The following DMD variants were observed in gnomAD, a reference collection of about 807,000 sequenced individuals.
DMD encodes the protein dystrophin.
A neutral mutation model predicts 330.1 loss-of-function variants in DMD; 63 were observed. That is an observed-to-expected ratio of 0.19 (90% CI 0.16 to 0.24). The LOEUF (loss-of-function observed/expected upper bound fraction) is 0.24, where lower values mean the gene tolerates loss of function less well. Among genes scored for constraint, DMD ranks in the 10% least tolerant of loss-of-function variants. DMD has a pLI of 1.00. For missense variants in DMD, 3,344 were observed against 2,684.1 expected (o/e 1.25, Z -5.43); for synonymous variants, 1,223 against 959.8 (o/e 1.27, Z -5.07).
At chrX:32,956,643 G>A (rs1319285276) in intron 2 of DMD, among the ~76,000 whole-genome samples, 1 of 111,531 alleles carries the variant, frequency 9.0e-6, no homozygotes, top group Non-Finnish European at 1.9e-5. Context: ...CATGTTGTCT[G>A]CAAACAGAGA....
intron 44 of DMD, among the ~76,000 whole-genome samples, chrX:32,208,490 T>C (rs1351863099): frequency 9.0e-6 from 1 of 111,498 alleles, no homozygotes; most frequent in East Asian, 2.8e-4. Context: ...AGAGACTGCC[T>C]CTGATTCCCA....
chrX:33,004,605 G>T (rs1454327630), intron 2 of DMD, among the ~76,000 whole-genome samples: 1 of 110,010 alleles, frequency 9.1e-6, no homozygotes, highest in Non-Finnish European at 1.9e-5. Flanking sequence ...GTGTTTTTCT[G>T]GTTATTTTTA....
chrX:31,337,911 G>T (rs1387830907), intron 61 of DMD, among the ~76,000 whole-genome samples: 2 of 111,784 alleles, frequency 1.8e-5, no homozygotes, highest in South Asian at 3.8e-4. Context: ...AGCTAAATGC[G>T]CCCATTCAGC....
intron 9 of DMD, among the ~76,000 whole-genome samples, chrX:32,655,602 G>T (rs189120718): frequency 8.9e-6 from 1 of 111,989 alleles, no homozygotes; most frequent in Non-Finnish European, 1.9e-5. Context: ...GTGCTGAGAA[G>T]AATGTATAAT....
chrX:32,015,310 C>T (rs922005936), intron 44 of DMD, among the ~76,000 whole-genome samples: 1 of 111,783 alleles, frequency 8.9e-6, no homozygotes, highest in Non-Finnish European at 1.9e-5. Context: ...CTCCCAAAAA[C>T]TCTGATTTAG....
At chrX:31,139,278 T>C (rs993437434) in intron 76 of DMD, among the ~76,000 whole-genome samples, 1 of 111,424 alleles carries the variant, frequency 9.0e-6, no homozygotes, top group Non-Finnish European at 1.9e-5. Flanking sequence ...AGAACTAAAA[T>C]GTAGAACTAC....
At chrX:33,234,882 T>C (rs2052449230) in intron 1 of DMD, among the ~76,000 whole-genome samples, 1 of 111,939 alleles carries the variant, frequency 8.9e-6, no homozygotes, top group Non-Finnish European at 1.9e-5. Flanking sequence ...AGGCCACTGT[T>C]CGCTAAGCTT....
At chrX:31,758,805 G>A (rs998823542) in intron 51 of DMD, among the ~76,000 whole-genome samples, 2 of 111,728 alleles carry the variant, frequency 1.8e-5, no homozygotes, top group East Asian at 2.8e-4. Flanking sequence ...GACTGATAAC[G>A]TAAAATACTA....
At chrX:32,677,624 CAA>C (rs777133945) in intron 9 of DMD, among the ~76,000 whole-genome samples, 170 of 111,633 alleles carry the variant, frequency 1.5e-3, no homozygotes, top group African/African-American at 5.1e-3. Flanking sequence ...CACCTTTACA[CAA>C]AGTTACTATA....
intron 44 of DMD, among the ~76,000 whole-genome samples, chrX:32,036,985 C>T (rs747715670): frequency 7.2e-5 from 8 of 111,314 alleles, no homozygotes; most frequent in Non-Finnish European, 1.3e-4. Context: ...GATGAGAGTA[C>T]CTCCCATGAG....
chrX:31,131,094 C>T (rs752398868), intron 77 of DMD, among the ~76,000 whole-genome samples: 1 of 111,652 alleles, frequency 9.0e-6, no homozygotes, highest in East Asian at 2.8e-4. Flanking sequence ...ACAATGAGAA[C>T]ATGGATGGTA....
At chrX:33,250,294 C>T (rs2052752332) in intron 1 of DMD, among the ~76,000 whole-genome samples, 1 of 108,204 alleles carries the variant, frequency 9.2e-6, no homozygotes, top group Non-Finnish European at 1.9e-5. Context: ...TCCACCTCAG[C>T]TCATTAGGCA....
chrX:32,256,898 G>A (rs12008952), intron 43 of DMD, among the ~76,000 whole-genome samples: 32,583 of 110,437 alleles, frequency 0.3, 3,713 homozygotes, highest in African/African-American at 0.4. Context: ...AGTCTGATGG[G>A]CTTCCCTTTG....
chrX:32,677,605 G>A (rs1428138961), intron 9 of DMD, among the ~76,000 whole-genome samples: 2 of 111,307 alleles, frequency 1.8e-5, no homozygotes, highest in Non-Finnish European at 3.8e-5. Flanking sequence ...TAACTTACAA[G>A]AAAATACCCA....
chrX:32,782,801 TA>T (rs2074909488), intron 7 of DMD, among the ~76,000 whole-genome samples: 1 of 109,387 alleles, frequency 9.1e-6, no homozygotes, highest in Non-Finnish European at 1.9e-5. Context: ...GGTGACATGC[TA>T]TTCTCATGAC....
At chrX:33,100,941 G>A (rs2095231742) in intron 1 of DMD, among the ~76,000 whole-genome samples, 1 of 111,037 alleles carries the variant, frequency 9.0e-6, no homozygotes, top group Non-Finnish European at 1.9e-5. Context: ...ATAACCTATG[G>A]ATAGGATGGT....
chrX:31,698,111 G>A (rs2148849221), intron 52 of DMD, among the ~76,000 whole-genome samples: 1 of 112,219 alleles, frequency 8.9e-6, no homozygotes, highest in East Asian at 2.8e-4. Context: ...CTGCTAGGGA[G>A]TGCACACTAT....
At chrX:33,282,135 T>C (rs2053343325) in intron 1 of DMD, among the ~76,000 whole-genome samples, 3 of 110,392 alleles carry the variant, frequency 2.7e-5, no homozygotes, top group African/African-American at 9.9e-5. Flanking sequence ...TATCTCTGGG[T>C]GGGGAAGAGA....
At chrX:33,215,670 C>T (rs2052040148), upstream of DMD, among the ~76,000 whole-genome samples, 1 of 111,626 alleles carries the variant, frequency 9.0e-6, no homozygotes, top group Non-Finnish European at 1.9e-5. Flanking sequence ...TATATTTAAA[C>T]CTTTAGTTCA....
Sources: allele counts gnomAD v4.1 joint callset (sites outside exome capture counted in the v4.1 genomes callset), GRCh38; gene constraint gnomAD v4.1.1; transcripts MANE v1.5; gene names NCBI Gene and HGNC (gene_info 2026-07-23, HGNC 2026-07-21).